The following NPAS3 variants were observed in gnomAD, a reference collection of about 807,000 sequenced individuals.
NPAS3 encodes the protein neuronal PAS domain protein 3, also known as neuronal PAS domain-containing protein 3.
Under a neutral mutation model 73.1 loss-of-function variants are expected in NPAS3, and 14 were observed. The ratio of observed to expected loss-of-function variants is 0.19; its 90% confidence interval spans 0.13 to 0.30. NPAS3 has a LOEUF of 0.30. NPAS3 is among the 10% of genes least tolerant of loss of function. NPAS3 has a pLI of 1.00. For synonymous variants in NPAS3, 620 were observed against 541.5 expected (o/e 1.14, Z -2.01); for missense variants, 1,096 against 1,250.0 (o/e 0.88, Z 1.86).
chr14:33,542,442 T>C (rs1434176639), intron 4 of NPAS3, among the ~76,000 whole-genome samples: 1 of 152,170 alleles, frequency 6.6e-6, no homozygotes, highest in South Asian at 2.1e-4. Context: ...ACAAGCCTCC[T>C]GTGTGTTCTC....
intron 9 of NPAS3, among the ~76,000 whole-genome samples, chr14:33,782,369 T>C (rs977834126): frequency 2.0e-5 from 3 of 152,138 alleles, no homozygotes; most frequent in Admixed American, 1.3e-4. Flanking sequence ...AGTGCAACCA[T>C]CTACCACTCT....
intron 3 of NPAS3, among the ~76,000 whole-genome samples, chr14:33,324,295 T>C (rs569848558): frequency 1.3e-5 from 2 of 152,210 alleles, no homozygotes; most frequent in Non-Finnish European, 2.9e-5. Flanking sequence ...GACGAAAAGC[T>C]TCACATGATA....
chr14:33,375,867 C>G (rs1187251260), intron 4 of NPAS3, among the ~76,000 whole-genome samples: 2 of 152,138 alleles, frequency 1.3e-5, no homozygotes, highest in African/African-American at 4.8e-5. Flanking sequence ...TGTAATTTAG[C>G]AAACTAACAT....
chr14:33,589,825 A>T (rs1026807173), intron 5 of NPAS3, among the ~76,000 whole-genome samples: 18 of 152,204 alleles, frequency 1.2e-4, no homozygotes, highest in Non-Finnish European at 2.4e-4. Context: ...AATTGCAGAA[A>T]TCAGTGCTTT....
At chr14:33,338,905 A>C (rs1378115242) in intron 3 of NPAS3, among the ~76,000 whole-genome samples, 1 of 152,166 alleles carries the variant, frequency 6.6e-6, no homozygotes, top group African/African-American at 2.4e-5. Flanking sequence ...TTTCTGAAAA[A>C]TCACATATTC....
At chr14:33,598,608 C>A (rs1301063374) in intron 5 of NPAS3, among the ~76,000 whole-genome samples, 1 of 152,196 alleles carries the variant, frequency 6.6e-6, no homozygotes, top group Non-Finnish European at 1.5e-5. Context: ...TAGGCTACTA[C>A]TTATTTTTAA....
intron 6 of NPAS3, among the ~76,000 whole-genome samples, chr14:33,699,324 T>C (rs2060468639): frequency 6.6e-6 from 1 of 152,344 alleles, no homozygotes; most frequent in Non-Finnish European, 1.5e-5. Flanking sequence ...TATATCACGG[T>C]GGATCCTTTT....
chr14:33,051,275 C>T (rs1475547377), intron 1 of NPAS3, among the ~76,000 whole-genome samples: 2 of 61,640 alleles, frequency 3.2e-5, no homozygotes, highest in Admixed American at 1.6e-4. Flanking sequence ...AGCGAGACTC[C>T]GTCTCAAAAA....
intron 7 of NPAS3, among the ~76,000 whole-genome samples, chr14:33,746,709 T>A (rs2061811108): frequency 6.6e-6 from 1 of 152,086 alleles, no homozygotes; most frequent in South Asian, 2.1e-4. Context: ...GTAACTGGTG[T>A]AAGAATAAAC....
At chr14:33,401,574 C>T (rs2047446808) in intron 4 of NPAS3, among the ~76,000 whole-genome samples, 1 of 152,064 alleles carries the variant, frequency 6.6e-6, no homozygotes, top group South Asian at 2.1e-4. Context: ...TCTTTCCTTC[C>T]TCACTGTGAA....
intron 3 of NPAS3, among the ~76,000 whole-genome samples, chr14:33,246,434 G>A (rs1441877394): frequency 1.3e-5 from 2 of 151,294 alleles, no homozygotes; most frequent in African/African-American, 4.9e-5. Flanking sequence ...AGCTACTTGG[G>A]AGGCTGAGGC....
At chr14:33,641,353 AAC>A (rs1476332763) in intron 5 of NPAS3, among the ~76,000 whole-genome samples, 1 of 152,190 alleles carries the variant, frequency 6.6e-6, no homozygotes, top group Non-Finnish European at 1.5e-5. Flanking sequence ...TGAAAAAAAT[AAC>A]ACAGTCCCTA....
chr14:33,014,798 T>C (rs543051923), intron 1 of NPAS3, among the ~76,000 whole-genome samples: 1 of 152,236 alleles, frequency 6.6e-6, no homozygotes, highest in East Asian at 1.9e-4. Flanking sequence ...TTGGTGAACA[T>C]AGGAACTTGA....
At chr14:33,115,941 A>G (rs983384244) in intron 2 of NPAS3, among the ~76,000 whole-genome samples, 2 of 151,988 alleles carry the variant, frequency 1.3e-5, no homozygotes. Flanking sequence ...AGAAAACAGA[A>G]CTCCATATTT....
upstream of NPAS3, chr14:32,935,102 C>A: frequency 1.7e-6 from 1 of 572,742 alleles, no homozygotes; most frequent in Non-Finnish European, 2.4e-6. Context: ...CACACATGCA[C>A]ATTGCCAGGG....
chr14:33,207,984 A>G (rs2046893558), intron 2 of NPAS3, among the ~76,000 whole-genome samples: 1 of 152,000 alleles, frequency 6.6e-6, no homozygotes, highest in Non-Finnish European at 1.5e-5. Flanking sequence ...TTTTGTTCTG[A>G]GTTCAATTGT....
At chr14:33,249,161 A>C (rs1005453225) in intron 3 of NPAS3, among the ~76,000 whole-genome samples, 2 of 152,142 alleles carry the variant, frequency 1.3e-5, no homozygotes, top group Non-Finnish European at 2.9e-5. Context: ...TTAGAACAGT[A>C]CTCATTTTTA....
At chr14:33,351,886 G>A (rs999701058) in intron 3 of NPAS3, among the ~76,000 whole-genome samples, 8 of 152,066 alleles carry the variant, frequency 5.3e-5, no homozygotes, top group South Asian at 2.1e-4. Flanking sequence ...AATACACACC[G>A]GGGCCTGTTG....
chr14:33,784,886 G>A (rs924136789), intron 9 of NPAS3, among the ~76,000 whole-genome samples: 1 of 149,960 alleles, frequency 6.7e-6, no homozygotes, highest in Non-Finnish European at 1.5e-5. Flanking sequence ...GAGTAGCTGG[G>A]ATTACAGGCA....
Sources: gnomAD v4.1 joint callset for allele counts (sites outside exome capture counted in the v4.1 genomes callset) on GRCh38, gnomAD v4.1.1 for gene constraint, MANE v1.5 for transcripts, NCBI Gene and HGNC (gene_info 2026-07-23, HGNC 2026-07-21) for gene names.